CPQ: variants seen among roughly 807,000 people sequenced by gnomAD.
The protein encoded by CPQ is carboxypeptidase Q, also known as Ser-Met dipeptidase.
Under a neutral mutation model 45.7 loss-of-function variants are expected in CPQ, and 37 were observed. The observed-to-expected ratio is 0.81, with a 90% CI of 0.62 to 1.07. The LOEUF (loss-of-function observed/expected upper bound fraction) is 1.07, where lower values mean the gene tolerates loss of function less well. Among genes scored for constraint, CPQ ranks in the 50% least tolerant of loss-of-function variants. The pLI, the probability that CPQ is intolerant of heterozygous loss-of-function variation, is 0.00. For synonymous variants in CPQ, 186 were observed against 205.8 expected (o/e 0.90, Z 0.82); for missense variants, 537 against 572.9 (o/e 0.94, Z 0.64).
chr8:97,130,518 TG>T (rs1468687830), intron 7 of CPQ, among the ~76,000 whole-genome samples: 2 of 151,532 alleles, frequency 1.3e-5, no homozygotes, highest in African/African-American at 4.9e-5. Context: ...ATATTTTGTG[TG>T]GCTACTGAGA....
At chr8:97,074,639 C>T (rs996815793) in intron 7 of CPQ, among the ~76,000 whole-genome samples, 5 of 152,030 alleles carry the variant, frequency 3.3e-5, no homozygotes, top group Non-Finnish European at 5.9e-5. Flanking sequence ...GATGTAGTAG[C>T]GGGTGCCTGT....
intron 1 of CPQ, among the ~76,000 whole-genome samples, chr8:96,771,548 G>T (rs927534197): frequency 6.6e-6 from 1 of 152,068 alleles, no homozygotes; most frequent in African/African-American, 2.4e-5. Context: ...ATATCAAAAA[G>T]TACAGTCTGG....
chr8:96,702,799 T>C (rs543343191), intron 1 of CPQ, among the ~76,000 whole-genome samples: 16 of 152,278 alleles, frequency 1.1e-4, no homozygotes, highest in Admixed American at 9.2e-4. Context: ...ACAAGTGTCT[T>C]CTTTGAGGTG....
intron 1 of CPQ, among the ~76,000 whole-genome samples, chr8:96,749,771 G>T (rs1036682156): frequency 6.6e-6 from 1 of 152,192 alleles, no homozygotes; most frequent in Non-Finnish European, 1.5e-5. Context: ...GTAGAAATTG[G>T]TACAGCCTTT....
intron 2 of CPQ, among the ~76,000 whole-genome samples, chr8:96,805,405 T>C (rs1390847914): frequency 6.6e-6 from 1 of 152,160 alleles, no homozygotes; most frequent in Non-Finnish European, 1.5e-5. Context: ...ATAATGACAG[T>C]GTGACCTTTA....
chr8:96,965,580 A>C (rs1813541892), intron 4 of CPQ, among the ~76,000 whole-genome samples: 1 of 152,100 alleles, frequency 6.6e-6, no homozygotes, highest in African/African-American at 2.4e-5. Context: ...CGTGTTAACC[A>C]GGATGGTCTT....
At chr8:96,919,262 G>T (rs1036831985) in intron 4 of CPQ, among the ~76,000 whole-genome samples, 2 of 152,018 alleles carry the variant, frequency 1.3e-5, no homozygotes, top group Non-Finnish European at 2.9e-5. Context: ...CGACCTCTTT[G>T]GAGAAGGTAC....
At chr8:97,085,155 G>A (rs563071357) in intron 7 of CPQ, among the ~76,000 whole-genome samples, 1 of 152,158 alleles carries the variant, frequency 6.6e-6, no homozygotes, top group East Asian at 1.9e-4. Flanking sequence ...AGGCTGATGA[G>A]GGAAGATTGC....
intron 2 of CPQ, among the ~76,000 whole-genome samples, chr8:96,826,189 A>G (rs1811376957): frequency 6.6e-6 from 1 of 152,054 alleles, no homozygotes; most frequent in Non-Finnish European, 1.5e-5. Context: ...CACTTGCTGA[A>G]TTCTTCAGAT....
intron 4 of CPQ, among the ~76,000 whole-genome samples, chr8:96,887,693 T>C (rs2130886905): frequency 6.6e-6 from 1 of 152,340 alleles, no homozygotes; most frequent in South Asian, 2.1e-4. Flanking sequence ...TGAGGTTTGC[T>C]TAGTAAAGGC....
intron 2 of CPQ, among the ~76,000 whole-genome samples, chr8:96,825,106 G>C (rs1811362793): frequency 6.6e-6 from 1 of 151,954 alleles, no homozygotes; most frequent in South Asian, 2.1e-4. Flanking sequence ...TCTGGGGGTG[G>C]AATGGCCTTG....
At chr8:97,010,558 C>T (rs1809470663) in intron 5 of CPQ, among the ~76,000 whole-genome samples, 1 of 152,154 alleles carries the variant, frequency 6.6e-6, no homozygotes, top group African/African-American at 2.4e-5. Flanking sequence ...CTGATTCTTT[C>T]TCTCCCCCAG....
At chr8:97,034,804 A>G (rs958675616) in intron 6 of CPQ, among the ~76,000 whole-genome samples, 2 of 152,112 alleles carry the variant, frequency 1.3e-5, no homozygotes, top group African/African-American at 4.8e-5. Context: ...CATACAGTAC[A>G]TAATCCTGAG....
chr8:97,101,572 C>CTTTTTT (rs5893410), intron 7 of CPQ, among the ~76,000 whole-genome samples: 15 of 114,228 alleles, frequency 1.3e-4, no homozygotes, highest in Non-Finnish European at 1.9e-4. Context: ...TTTCTTTTTT[C>CTTTTTT]TTTTTTTTTT....
chr8:97,031,653 G>A (rs148933372), intron 6 of CPQ, among the ~76,000 whole-genome samples: 1,762 of 152,244 alleles, frequency 0.012, 38 homozygotes, highest in African/African-American at 0.041. Flanking sequence ...GGATGAAATC[G>A]GAAATGCCTA....
At chr8:97,034,371 G>GC (rs2130477091) in intron 6 of CPQ, among the ~76,000 whole-genome samples, 1 of 152,234 alleles carries the variant, frequency 6.6e-6, no homozygotes, top group Non-Finnish European at 1.5e-5. Context: ...TTAAGAAAAT[G>GC]CAAGTTCACA....
chr8:97,038,186 T>C (rs1810035250), intron 6 of CPQ, among the ~76,000 whole-genome samples: 1 of 152,238 alleles, frequency 6.6e-6, no homozygotes, highest in Non-Finnish European at 1.5e-5. Context: ...CTACCATTAC[T>C]AACCTAAGTA....
intron 3 of CPQ, among the ~76,000 whole-genome samples, chr8:96,842,058 A>G (rs1231079556): frequency 1.3e-5 from 2 of 152,228 alleles, no homozygotes; most frequent in African/African-American, 4.8e-5. Flanking sequence ...TTTCACATGA[A>G]CATTTTGTAA....
At chr8:97,077,176 G>A (rs1810861680) in intron 7 of CPQ, among the ~76,000 whole-genome samples, 1 of 152,164 alleles carries the variant, frequency 6.6e-6, no homozygotes, top group Non-Finnish European at 1.5e-5. Context: ...TTCTTGTAAA[G>A]TCACGACTTT....
Sources: allele counts gnomAD v4.1 joint callset (sites outside exome capture counted in the v4.1 genomes callset), GRCh38; gene constraint gnomAD v4.1.1; transcripts MANE v1.5; gene names NCBI Gene and HGNC (gene_info 2026-07-23, HGNC 2026-07-21).